CACUL1: variants seen among roughly 807,000 people sequenced by gnomAD.
CACUL1 encodes the protein CDK2-associated and cullin domain-containing protein 1.
Under a neutral mutation model 45.2 loss-of-function variants are expected in CACUL1, and 13 were observed. The observed-to-expected ratio is 0.29, with a 90% CI of 0.19 to 0.46. CACUL1 has a LOEUF of 0.46. Ranked by LOEUF, CACUL1 falls within the 20% of genes least tolerant of loss-of-function variation. The pLI, the probability that CACUL1 is intolerant of heterozygous loss-of-function variation, is 1.00. For missense variants in CACUL1, 421 were observed against 471.4 expected, an observed-to-expected ratio of 0.89 and a Z score of 0.99; for synonymous variants, 197 against 174.2, an observed-to-expected ratio of 1.13 and a Z score of -1.03.
chr10:118,742,794 A>T (rs1845804838), intron 1 of CACUL1, among the ~76,000 whole-genome samples: 1 of 152,194 alleles, frequency 6.6e-6, no homozygotes, highest in African/African-American at 2.4e-5. Flanking sequence ...TTCCCAAGGG[A>T]ACAAGTACCA....
At position 118,685,183 on chromosome 10, in the gene CACUL1, G is replaced by C. The variant is rs1006539113; in HGVS notation, c.*945C>G. 1 of 140,388 alleles carries C rather than the reference G, an allele frequency of 7.1e-6. No homozygotes were observed. The highest frequency in any genetic ancestry group is 2.6e-5 in the African/African-American group (1 of 38,528). 8.7% of individuals were successfully genotyped at this position (140,388 alleles called of 1,614,324 possible). ...GTATCTGCTTCCTAGAGCATCGCAG[G>C]AAGTAGCTCTCAATAATACTAAGGG... On this transcript the variant is annotated 3_prime_UTR_variant, in exon 9 of 9. Coordinates refer to ENST00000369151, the MANE Select transcript of CACUL1 (RefSeq NM_153810.5).
intron 3 of CACUL1, among the ~76,000 whole-genome samples, chr10:118,713,293 A>C (rs1006090860): frequency 4.6e-5 from 7 of 152,140 alleles, no homozygotes; most frequent in Non-Finnish European, 1.0e-4. Context: ...TGAGCCTTCG[A>C]GGGCAGGGGG....
chr10:118,707,723 C>CA, intron 3 of CACUL1, 136 bp from the exon 4 acceptor site: 1 of 524,136 alleles, frequency 1.9e-6, no homozygotes, highest in Non-Finnish European at 3.3e-6. Flanking sequence ...AAAAGGAAGA[C>CA]ACGTACACTC....
chr10:118,705,102 A>G (rs1367722133), intron 4 of CACUL1, among the ~76,000 whole-genome samples: 1 of 152,206 alleles, frequency 6.6e-6, no homozygotes, highest in Non-Finnish European at 1.5e-5. Context: ...TTTATCTTTT[A>G]TAAGTTTTAC....
chr10:118,749,180 G>A (rs17587238), intron 1 of CACUL1, among the ~76,000 whole-genome samples: 13,770 of 152,138 alleles, frequency 0.091, 675 homozygotes, highest in Admixed American at 0.15. Flanking sequence ...CTGGGTTAAC[G>A]ATGGGCAATA....
chr10:118,733,315 C>A (rs1301776604), intron 1 of CACUL1, among the ~76,000 whole-genome samples: 1 of 152,100 alleles, frequency 6.6e-6, no homozygotes, highest in Non-Finnish European at 1.5e-5. Flanking sequence ...GAATCTTAAA[C>A]CCTATTTCCA....
At chr10:118,693,884 C>A in intron 6 of CACUL1, 1 of 378,062 alleles carries the variant, frequency 2.6e-6, no homozygotes, top group Non-Finnish European at 5.2e-6. Flanking sequence ...AATTTGAATA[C>A]TCTAGATGTC....
At chr10:118,708,995 C>T (rs1589607775) in intron 3 of CACUL1, among the ~76,000 whole-genome samples, 1 of 152,284 alleles carries the variant, frequency 6.6e-6, no homozygotes, top group South Asian at 2.1e-4. Flanking sequence ...TTTTCACGTC[C>T]CCCCAAATTT....
intron 3 of CACUL1, among the ~76,000 whole-genome samples, chr10:118,720,391 C>T (rs1195192564): frequency 6.6e-6 from 1 of 152,206 alleles, no homozygotes; most frequent in Non-Finnish European, 1.5e-5. Flanking sequence ...CAAACAGTAA[C>T]TTACTTACAC....
intron 3 of CACUL1, among the ~76,000 whole-genome samples, chr10:118,726,948 TTA>T (rs1845657418): frequency 1.3e-5 from 2 of 152,164 alleles, no homozygotes; most frequent in Admixed American, 1.3e-4. Flanking sequence ...TTAATAATGG[TTA>T]CAATCGTTAT....
rs910145511 is a variant in CACUL1, at chr10:118,754,941, G to A, written c.-179C>T. 1.8e-5 allele frequency: 14 copies of A among 779,212 alleles called. No individual in the cohort carries two copies. The African/African-American group carries it at 1.8e-4, about 10-fold the overall frequency. 48.3% of individuals were successfully genotyped at this position (779,212 alleles called of 1,614,324 possible). On this transcript the variant is annotated 5_prime_UTR_variant, in exon 1 of 9. Coordinates refer to ENST00000369151, the MANE Select transcript of CACUL1 (RefSeq NM_153810.5). ...GCGGGGCCGACTAGCTTGAAGACGC[G>A]GCTGACGGCGGTGGGCGCTCCGGGG...
Position 118,706,749 on chromosome 10 carries a change from G to A in CACUL1, c.693+743C>T, listed in dbSNP as rs191073879. On this transcript the variant is annotated intron_variant, in intron 4 of 8. Transcript: ENST00000369151. ...AAGAAATAAGTGTAAATGAAAATCA[G>A]GAAGCACTACATGGTCTTTTGGAAA... is the stretch of plus-strand genomic sequence containing the variant. Among the ~76,000 whole-genome samples, 598 of 152,286 alleles carry A rather than the reference G, an allele frequency of 3.9e-3. 5 individuals are homozygous for A. The highest frequency in any genetic ancestry group is 0.012 in the African/African-American group (495 of 41,562).
intron 7 of CACUL1, among the ~76,000 whole-genome samples, chr10:118,690,937 G>A (rs910090202): frequency 6.6e-6 from 1 of 152,162 alleles, no homozygotes; most frequent in Non-Finnish European, 1.5e-5. Context: ...TGTAATCCCA[G>A]CTACTTGGGA....
Position 118,729,317 on chromosome 10 carries a change from T to C in CACUL1, c.575A>G (p.Glu192Gly). The C allele has an allele frequency of 1.9e-6, 3 of 1,613,316 alleles. No homozygotes were observed. Among genetic ancestry groups the C allele is most frequent in the Non-Finnish European group, 2.5e-6 (3 of 1,179,670 alleles). Residue 192 changes from glutamate to glycine, a missense_variant, in exon 3 of 9, where the codon GAG (glutamate) becomes GGG (glycine). Glu to Gly is a moderately conservative substitution (Grantham distance 98). Coordinates refer to ENST00000369151, the MANE Select transcript of CACUL1 (RefSeq NM_153810.5). ...TACCTGCAGCTCCTTTGAGACTCTCTCTAAGTGATTAGTTATCTTTTTAAT... is the reference window on the plus strand; with the variant it reads ...TACCTGCAGCTCCTTTGAGACTCTCCCTAAGTGATTAGTTATCTTTTTAAT... ...DLIKKITNHL[E>G]RVSKELQASP...
intron 1 of CACUL1, among the ~76,000 whole-genome samples, chr10:118,733,573 A>G (rs1845716796): frequency 1.3e-5 from 2 of 152,232 alleles, no homozygotes; most frequent in African/African-American, 4.8e-5. Flanking sequence ...TAAAAAACAA[A>G]AACTCCTAGC....
intron 5 of CACUL1, 57 bp downstream of exon 5, chr10:118,701,249 A>AG (rs1201378464): frequency 2.0e-6 from 2 of 1,005,134 alleles, no homozygotes; most frequent in Non-Finnish European, 1.5e-6. Context: ...CAAAAAAAAA[A>AG]GAAAAAGGAA....
chr10:118,729,072 G>C (rs1166719879), intron 3 of CACUL1: 1 of 453,974 alleles, frequency 2.2e-6, no homozygotes, highest in Non-Finnish European at 3.9e-6. Context: ...ATCAGTTAAG[G>C]TCTGAAATAT....
intron 3 of CACUL1, among the ~76,000 whole-genome samples, chr10:118,723,064 A>G (rs1174868844): frequency 6.6e-6 from 1 of 152,082 alleles, no homozygotes; most frequent in Non-Finnish European, 1.5e-5. Context: ...AAGGAACAGT[A>G]CCAATCTGAA....
rs1173496548 is a variant in CACUL1 at position 118,683,722 on chromosome 10, A to T, written c.*2406T>A. On this transcript the variant is annotated 3_prime_UTR_variant, in exon 9 of 9. Transcript: ENST00000369151. ...AAACAAAATATAAGAAAACAGAAGA[A>T]AACAGTTTCTGGCAAACAGTCAATA... 3 of 152,004 alleles carry T rather than the reference A, an allele frequency of 2.0e-5. No individual in the cohort carries two copies. The highest frequency in any genetic ancestry group is 4.4e-5 in the Non-Finnish European group (3 of 67,986). 9.4% of individuals were successfully genotyped at this position (152,004 alleles called of 1,614,324 possible).
Sources: allele counts gnomAD v4.1 joint callset (sites outside exome capture counted in the v4.1 genomes callset), GRCh38; gene constraint gnomAD v4.1.1; transcripts MANE v1.5; gene names NCBI Gene and HGNC (gene_info 2026-07-23, HGNC 2026-07-21).